AKAP19: variants seen among roughly 807,000 people sequenced by gnomAD.
The protein encoded by AKAP19 is A-kinase anchoring protein 19.
the AKAP19 span, among the ~76,000 whole-genome samples, chr2:190,038,901 T>TTTCTTTC: frequency 0.018 from 803 of 45,680 alleles, 3 homozygotes; most frequent in Middle Eastern, 0.069. Flanking sequence ...TCTTTCTTTC[T>TTTCTTTC]TTCTTCTTCT....
At chr2:190,097,859 C>CAAAAAAAAAAAAAAAAA in the AKAP19 span, among the ~76,000 whole-genome samples, 1 of 64,490 alleles carries the variant, frequency 1.6e-5, no homozygotes, top group Non-Finnish European at 2.8e-5. Flanking sequence ...TGGTTTCTAC[C>CAAAAAAAAAAAAAAAAA]AAAAAAAAAA....
At chr2:190,168,933 C>G in the AKAP19 span, among the ~76,000 whole-genome samples, 2 of 152,182 alleles carry the variant, frequency 1.3e-5, no homozygotes. Context: ...CAAACTCTGC[C>G]TGTTACCCAG....
chr2:189,912,499 A>G, the AKAP19 span, among the ~76,000 whole-genome samples: 1 of 152,118 alleles, frequency 6.6e-6, no homozygotes, highest in Admixed American at 6.5e-5. Flanking sequence ...CAAGATCGCA[A>G]CACTGCACTC....
chr2:189,996,970 A>G, the AKAP19 span, among the ~76,000 whole-genome samples: 1 of 152,208 alleles, frequency 6.6e-6, no homozygotes, highest in Non-Finnish European at 1.5e-5. Context: ...CCAGCCATGG[A>G]TACCTGCACC....
At chr2:190,131,449 T>C in the AKAP19 span, among the ~76,000 whole-genome samples, 1 of 152,206 alleles carries the variant, frequency 6.6e-6, no homozygotes, top group South Asian at 2.1e-4. Flanking sequence ...GAGGTTGAAG[T>C]GGCTTGAGAG....
the AKAP19 span, among the ~76,000 whole-genome samples, chr2:190,177,915 G>A: frequency 6.6e-6 from 1 of 152,136 alleles, no homozygotes; most frequent in African/African-American, 2.4e-5. The surrounding 1 kb of genome is among the most constrained non-coding windows in gnomAD (Gnocchi z 4.6). Context: ...GTTTTTATGA[G>A]TTTTACTTCT....
At chr2:190,135,030 T>C in the AKAP19 span, among the ~76,000 whole-genome samples, 5 of 152,200 alleles carry the variant, frequency 3.3e-5, no homozygotes, top group African/African-American at 7.2e-5. Flanking sequence ...AGGCATCTTA[T>C]TTACTATTCA....
chr2:190,004,787 T>A, the AKAP19 span, among the ~76,000 whole-genome samples: 1 of 152,124 alleles, frequency 6.6e-6, no homozygotes, highest in African/African-American at 2.4e-5. Flanking sequence ...TGTGTCTGCC[T>A]TTCACACTCA....
the AKAP19 span, chr2:190,079,886 TGTGTGAGAGA>T: frequency 2.0e-5 from 2 of 98,540 alleles, no homozygotes; most frequent in Non-Finnish European, 4.6e-5. Context: ...TGTGTGTGTG[TGTGTGAGAGA>T]GAGAGAGAGA....
the AKAP19 span, among the ~76,000 whole-genome samples, chr2:190,193,681 A>G: frequency 6.6e-6 from 1 of 152,108 alleles, no homozygotes; most frequent in African/African-American, 2.4e-5. Context: ...TAGATGTCAT[A>G]ATGCCCATTA....
At chr2:189,995,036 G>A in the AKAP19 span, among the ~76,000 whole-genome samples, 1 of 152,198 alleles carries the variant, frequency 6.6e-6, no homozygotes, top group Non-Finnish European at 1.5e-5. Flanking sequence ...CTTGTTTTGT[G>A]GCCTATCATA....
At chr2:189,892,362 T>G in the AKAP19 span, among the ~76,000 whole-genome samples, 3 of 152,110 alleles carry the variant, frequency 2.0e-5, no homozygotes, top group Non-Finnish European at 4.4e-5. Flanking sequence ...TTTTCTCATC[T>G]TCGTGGATTT....
chr2:190,180,129 G>C, the AKAP19 span, among the ~76,000 whole-genome samples: 1 of 152,238 alleles, frequency 6.6e-6, no homozygotes, highest in Non-Finnish European at 1.5e-5. The surrounding 1 kb of genome is among the most constrained non-coding windows in gnomAD (Gnocchi z 6.8). Context: ...TCCTTTAAAT[G>C]TTTAAGTACT....
At chr2:190,003,483 C>T in the AKAP19 span, among the ~76,000 whole-genome samples, 3 of 151,896 alleles carry the variant, frequency 2.0e-5, no homozygotes, top group East Asian at 1.9e-4. Context: ...AATAATATAC[C>T]TATTTAACAT....
At chr2:190,199,105 A>G in the AKAP19 span, among the ~76,000 whole-genome samples, 1 of 152,360 alleles carries the variant, frequency 6.6e-6, no homozygotes, top group Admixed American at 6.5e-5. Context: ...CAGGGGATAA[A>G]GCCAGACTCT....
the AKAP19 span, among the ~76,000 whole-genome samples, chr2:190,007,528 A>G: frequency 6.6e-6 from 1 of 152,162 alleles, no homozygotes; most frequent in Non-Finnish European, 1.5e-5. Context: ...ATTTAGATAT[A>G]TGGTAGAATG....
At chr2:190,055,120 CAT>C in the AKAP19 span, among the ~76,000 whole-genome samples, 1 of 152,056 alleles carries the variant, frequency 6.6e-6, no homozygotes, top group Non-Finnish European at 1.5e-5. Flanking sequence ...AAATGTGGCA[CAT>C]ATACACCATG....
chr2:190,172,128 A>G, the AKAP19 span, among the ~76,000 whole-genome samples: 1 of 152,094 alleles, frequency 6.6e-6, no homozygotes. Flanking sequence ...CTCCATGCTC[A>G]TTGCCACGCC....
chr2:190,167,290 G>C, the AKAP19 span, among the ~76,000 whole-genome samples: 1 of 152,066 alleles, frequency 6.6e-6, no homozygotes, highest in Non-Finnish European at 1.5e-5. Context: ...GACTTACCAC[G>C]AGAACAGCAC....
Sources: allele counts gnomAD v4.1 joint callset (sites outside exome capture counted in the v4.1 genomes callset), GRCh38; gene constraint gnomAD v4.1.1; non-coding constraint Gnocchi (gnomAD v3.1); transcripts MANE v1.5; gene names NCBI Gene and HGNC (gene_info 2026-07-23, HGNC 2026-07-21).